CDKL5: variants seen among roughly 807,000 people sequenced by gnomAD.
CDKL5 encodes the protein cyclin-dependent kinase-like 5.
A neutral mutation model predicts 61.7 loss-of-function variants in CDKL5; 8 were observed. The ratio of observed to expected loss-of-function variants is 0.13; its 90% CI spans 0.08 to 0.23. CDKL5 has a LOEUF of 0.23. Ranked by LOEUF, CDKL5 falls within the 10% of genes least tolerant of loss-of-function variation. CDKL5 has a pLI of 1.00. For missense variants in CDKL5, 440 were observed against 734.5 expected, an observed-to-expected ratio of 0.60 and a Z score of 4.63; for synonymous variants, 275 against 272.3, an observed-to-expected ratio of 1.01 and a Z score of -0.10.
At chrX:18,441,261 C>G (rs1443833444) in intron 1 of CDKL5, among the ~76,000 whole-genome samples, 1 of 110,784 alleles carries the variant, frequency 9.0e-6, no homozygotes, top group Non-Finnish European at 1.9e-5. Context: ...ATCAAAAATA[C>G]AAAAATTAGC....
chrX:18,636,204 A>C lies in CDKL5; in HGVS notation c.*7447A>C, dbSNP rs767722675. ...AACCACCTCTTCACTCTATCTCCTT[A>C]AGTGACATGGAAACTTGTGGCCTGT... On this transcript the variant is annotated 3_prime_UTR_variant, in exon 18 of 18. Coordinates refer to ENST00000623535, the MANE Select transcript of CDKL5 (RefSeq NM_001323289.2). 1 of 110,814 alleles carries C rather than the reference A, an allele frequency of 9.0e-6. No individual in the cohort carries two copies. Among genetic ancestry groups the C allele is most frequent in the East Asian group, 2.8e-4 (1 of 3,556 alleles). 9.1% of individuals were successfully genotyped at this position (110,814 alleles called of 1,213,427 possible).
intron 3 of CDKL5, among the ~76,000 whole-genome samples, chrX:18,511,973 A>G (rs1435047863): frequency 1.8e-5 from 2 of 112,094 alleles, no homozygotes; most frequent in Non-Finnish European, 3.8e-5. Context: ...AATAGTGTAG[A>G]TTATGATTAC....
chrX:18,556,342 A>G (rs2147126349), intron 3 of CDKL5, among the ~76,000 whole-genome samples: 1 of 111,682 alleles, frequency 9.0e-6, no homozygotes, highest in African/African-American at 3.3e-5. Flanking sequence ...TTTCAGAATC[A>G]CTTTCTACAA....
chrX:18,648,330 C>T (rs768681639), intron 20 of CDKL5, among the ~76,000 whole-genome samples: 77 of 110,963 alleles, frequency 6.9e-4, no homozygotes, highest in African/African-American at 2.5e-3. Flanking sequence ...CAACCTCTGC[C>T]TCCTGGGCTC....
intron 8 of CDKL5, among the ~76,000 whole-genome samples, chrX:18,586,271 A>T (rs1925642334): frequency 1.8e-5 from 2 of 111,511 alleles, no homozygotes; most frequent in African/African-American, 6.5e-5. Context: ...ACTCATTGGG[A>T]TGCATAGTCC....
At chrX:18,574,903 G>A (rs1314665339) in intron 4 of CDKL5, among the ~76,000 whole-genome samples, 2 of 112,095 alleles carry the variant, frequency 1.8e-5, no homozygotes, top group Non-Finnish European at 3.8e-5. Context: ...AAAAACATCA[G>A]CTACTACAGA....
chrX:18,461,500 C>T (rs1470550905), intron 1 of CDKL5, among the ~76,000 whole-genome samples: 1 of 111,980 alleles, frequency 8.9e-6, no homozygotes, highest in African/African-American at 3.2e-5. Flanking sequence ...TCTTATCTCT[C>T]CCTCTATTGT....
chrX:18,439,045 G>GCCCCCCCCCCCC (rs367844172), intron 1 of CDKL5, among the ~76,000 whole-genome samples: 127 of 37,461 alleles, frequency 3.4e-3, no homozygotes, highest in Middle Eastern at 0.019. Context: ...GCCCCTTTTT[G>GCCCCCCCCCCCC]CCCCCCCCCC....
downstream of CDKL5, chrX:18,644,520 G>A (rs775507405): frequency 9.9e-6 from 12 of 1,211,262 alleles, no homozygotes; most frequent in Non-Finnish European, 8.9e-6. Flanking sequence ...TCCACTCATC[G>A]ATGTCACAGC....
chrX:18,518,397 T>A (rs898752967), intron 3 of CDKL5, among the ~76,000 whole-genome samples: 98 of 56,185 alleles, frequency 1.7e-3, no homozygotes, highest in African/African-American at 1.8e-3. Context: ...TATTTTTTTT[T>A]TTTTTTTTTT....
intron 1 of CDKL5, among the ~76,000 whole-genome samples, chrX:18,439,396 T>G (rs1198472114): frequency 1.9e-5 from 2 of 103,117 alleles, no homozygotes; most frequent in South Asian, 4.3e-4. Flanking sequence ...CCATAATAGG[T>G]GTGTGTGTGT....
At position 18,432,783 on chromosome X, in the gene CDKL5, A is replaced by G. The variant is rs191584021; in HGVS notation, c.-163+7088A>G. On this transcript the variant is annotated intron_variant, in intron 1 of 17. Coordinates refer to ENST00000623535, the MANE Select transcript of CDKL5 (RefSeq NM_001323289.2). ...TGCCATGCCTGGCTAATTTTTTTGT[A>G]TTTTGTAGAGATGGGTTCTCACAGT... Among the ~76,000 whole-genome samples, 15 of 109,573 alleles carry G rather than the reference A, an allele frequency of 1.4e-4. No individual in the cohort carries two copies. The East Asian group carries it at 3.8e-3, about 28-fold the overall frequency.
chrX:18,523,837 A>G (rs928559594), intron 3 of CDKL5, among the ~76,000 whole-genome samples: 2 of 111,969 alleles, frequency 1.8e-5, no homozygotes, highest in African/African-American at 6.5e-5. Flanking sequence ...CTTGTTTTCA[A>G]TTCTTTTGAA....
rs996584721 is a variant in CDKL5 at position 18,629,319 on chromosome X, ATATCT to A, written c.*564_*568del. ...TAATTAATATTGTACTGTTAAAATC[ATATCT>A]TTTATGTTATAATGTAAAGTTATTT... On this transcript the variant is annotated 3_prime_UTR_variant, in exon 18 of 18. Transcript: ENST00000623535. The A allele has an allele frequency of 9.3e-6, 6 of 647,039 alleles. No individual in the cohort carries two copies. Among genetic ancestry groups the A allele is most frequent in the Non-Finnish European group, 9.2e-6 (5 of 543,314 alleles). 53.3% of individuals were successfully genotyped at this position (647,039 alleles called of 1,213,427 possible).
At chrX:18,452,425 A>T (rs913360964) in intron 1 of CDKL5, among the ~76,000 whole-genome samples, 2 of 108,963 alleles carry the variant, frequency 1.8e-5, no homozygotes, top group African/African-American at 3.3e-5. Flanking sequence ...ACACTGCATT[A>T]TTTTTTTTTA....
intron 3 of CDKL5, among the ~76,000 whole-genome samples, chrX:18,530,727 G>A (rs890337346): frequency 9.0e-6 from 1 of 111,412 alleles, no homozygotes; most frequent in African/African-American, 3.3e-5. Flanking sequence ...GGCCTGCCTT[G>A]TAATTTTTTT....
intron 8 of CDKL5, among the ~76,000 whole-genome samples, chrX:18,585,374 G>A (rs975186787): frequency 9.0e-6 from 1 of 110,517 alleles, no homozygotes; most frequent in African/African-American, 3.3e-5. Context: ...CAACCTGGGC[G>A]TCAGAGCAAG....
At chrX:18,490,274 C>T (rs778811153) in intron 1 of CDKL5, among the ~76,000 whole-genome samples, 3 of 111,341 alleles carry the variant, frequency 2.7e-5, no homozygotes, top group Admixed American at 9.6e-5. Context: ...GTTGTGGGAA[C>T]CCCCAAATTT....
intron 1 of CDKL5, among the ~76,000 whole-genome samples, chrX:18,502,255 G>A (rs888963520): frequency 8.9e-6 from 1 of 112,184 alleles, no homozygotes; most frequent in South Asian, 3.7e-4. Flanking sequence ...GACCTTGCCT[G>A]TCTTGTTTAC....
Sources: allele counts gnomAD v4.1 joint callset (sites outside exome capture counted in the v4.1 genomes callset), GRCh38; gene constraint gnomAD v4.1.1; transcripts MANE v1.5; gene names NCBI Gene and HGNC (gene_info 2026-07-23, HGNC 2026-07-21).